The following PCDHGB1 variants were observed in gnomAD, a reference collection of about 807,000 sequenced individuals.
PCDHGB1 encodes protocadherin gamma subfamily B, 1.
PCDHGB1 carries 34 observed loss-of-function variants against 56.6 expected under a neutral mutation model. That is an observed-to-expected ratio of 0.60 (90% confidence interval 0.46 to 0.80). PCDHGB1 has a LOEUF of 0.80. Among genes scored for constraint, PCDHGB1 ranks in the 30% least tolerant of loss-of-function variants. The pLI is 0.00. For synonymous variants in PCDHGB1, 561 were observed against 505.9 expected, an observed-to-expected ratio of 1.11 and a Z score of -1.46; for missense variants, 1,278 against 1,204.6, an observed-to-expected ratio of 1.06 and a Z score of -0.90.
At position 141,398,826 on chromosome 5, in the gene PCDHGB1, C is replaced by T. The variant is rs755219133; in HGVS notation, c.2409+46157C>T. On this transcript the variant is annotated intron_variant, in intron 1 of 3. Coordinates refer to ENST00000523390, the MANE Select transcript of PCDHGB1 (RefSeq NM_018922.3). ...CCACTGAGCTCCGGATCCAGGTAACCGACGCCAATGATAATCCCCCGGTAT... is the reference window on the plus strand; with the variant it reads ...CCACTGAGCTCCGGATCCAGGTAACTGACGCCAATGATAATCCCCCGGTAT... 81 of 1,613,942 alleles carry T rather than the reference C, an allele frequency of 5.0e-5. 1 individual carries two copies. In the South Asian group the frequency reaches 7.7e-4, roughly 15 times the overall value.
chr5:141,421,359 C>A (rs2096566292), intron 1 of PCDHGB1: 6 of 1,614,012 alleles, frequency 3.7e-6, no homozygotes, highest in Non-Finnish European at 5.1e-6. Context: ...AAAAGGGCTC[C>A]TTCGTGGGCA....
intron 1 of PCDHGB1, among the ~76,000 whole-genome samples, chr5:141,369,505 G>GA (rs1379316544): frequency 5.3e-5 from 8 of 150,772 alleles, no homozygotes; most frequent in African/African-American, 1.2e-4. Context: ...CACCTCTATA[G>GA]AAAAAAAAAG....
intron 1 of PCDHGB1, chr5:141,391,283 A>G (rs2092334879): frequency 6.6e-6 from 1 of 152,120 alleles, no homozygotes; most frequent in African/African-American, 2.4e-5. Context: ...CAAATTGCTG[A>G]AAGAAGGAAA....
At chr5:141,375,026 T>C in intron 1 of PCDHGB1, 2 of 1,614,030 alleles carry the variant, frequency 1.2e-6, no homozygotes, top group Non-Finnish European at 1.7e-6. Context: ...CTCGAGTTTT[T>C]ATGAGCTGGG....
chr5:141,379,418 GA>G (rs1208942827), intron 1 of PCDHGB1: 1 of 152,186 alleles, frequency 6.6e-6, no homozygotes, highest in African/African-American at 2.4e-5. Context: ...TTAGTCTCAT[GA>G]GTTAGATGGG....
intron 2 of PCDHGB1, among the ~76,000 whole-genome samples, chr5:141,501,166 C>T (rs1443045812): frequency 6.6e-6 from 1 of 152,154 alleles, no homozygotes; most frequent in African/African-American, 2.4e-5. Flanking sequence ...CATCCCCAGC[C>T]TCATTTACAT....
At chr5:141,375,842 C>G (rs547807235) in intron 1 of PCDHGB1, 4 of 1,614,122 alleles carry the variant, frequency 2.5e-6, no homozygotes, top group Non-Finnish European at 3.4e-6. Context: ...GCCCGGCTAC[C>G]TGGTGACCAA....
At chr5:141,401,058 T>A (rs967099811) in intron 1 of PCDHGB1, among the ~76,000 whole-genome samples, 1 of 152,236 alleles carries the variant, frequency 6.6e-6, no homozygotes, top group African/African-American at 2.4e-5. Flanking sequence ...AAATACTATA[T>A]GTTGGCTGGG....
chr5:141,427,224 A>G (rs1269896138), intron 1 of PCDHGB1: 1 of 456,768 alleles, frequency 2.2e-6, no homozygotes, highest in East Asian at 6.9e-5. Context: ...TAGCAGTTAT[A>G]CCATGAGAGT....
At chr5:141,405,955 CCTG>C (rs1293666113) in intron 1 of PCDHGB1, among the ~76,000 whole-genome samples, 4 of 152,056 alleles carry the variant, frequency 2.6e-5, no homozygotes, top group African/African-American at 9.7e-5. Context: ...TAATAATTAA[CCTG>C]CTGTCAACGT....
intron 1 of PCDHGB1, among the ~76,000 whole-genome samples, chr5:141,454,881 C>G (rs2098805859): frequency 7.4e-6 from 1 of 135,536 alleles, no homozygotes; most frequent in African/African-American, 2.8e-5. Flanking sequence ...GATCTTGGCT[C>G]ACTGCTAGCA....
At chr5:141,377,231 A>G (rs1773795281) in intron 1 of PCDHGB1, 2 of 152,072 alleles carry the variant, frequency 1.3e-5, no homozygotes, top group Admixed American at 1.3e-4. Flanking sequence ...GTTTTTTCCT[A>G]CTATGTGACA....
intron 1 of PCDHGB1, among the ~76,000 whole-genome samples, chr5:141,492,482 A>G (rs1339196127): frequency 6.6e-6 from 1 of 152,182 alleles, no homozygotes; most frequent in Non-Finnish European, 1.5e-5. Context: ...GCGGCCGCCC[A>G]GGACCAGGCG....
At chr5:141,375,761 C>A in intron 1 of PCDHGB1, 1 of 1,614,236 alleles carries the variant, frequency 6.2e-7, no homozygotes, top group Non-Finnish European at 8.5e-7. Flanking sequence ...TGACAATGCG[C>A]CCGAGATCCT....
rs886105437 is a variant in PCDHGB1, at chr5:141,350,546, A to T, written c.286A>T (p.Lys96Ter). 1.2e-6 allele frequency: 2 copies of T among 1,613,906 alleles called. No homozygotes were observed. Among genetic ancestry groups the T allele is most frequent in the Admixed American group, 1.7e-5 (1 of 60,014 alleles). Residue 96 changes from lysine to a stop codon, truncating the protein, a stop_gained, in exon 1 of 4, where the codon AAA (lysine) becomes TAA (stop). Transcript: ENST00000523390. LOFTEE classifies it high-confidence loss of function. ...AGATCGAGAGAAGATTTGCGGAAGG[A>T]AACTTGAGTGTGCACTAGAATTCGA... ...RIDREKICGRKLECALEFETV... is the reference protein window; with the variant it reads ...RIDREKICGR
intron 1 of PCDHGB1, chr5:141,415,853 GTAGT>G: frequency 2.5e-6 from 3 of 1,186,350 alleles, no homozygotes; most frequent in Non-Finnish European, 3.3e-6. Context: ...GCAGAACCTT[GTAGT>G]TTATAGTGTT....
chr5:141,397,375 T>C (rs2093516481), intron 1 of PCDHGB1, among the ~76,000 whole-genome samples: 1 of 152,174 alleles, frequency 6.6e-6, no homozygotes, highest in South Asian at 2.1e-4. Context: ...TGTTTGGGGA[T>C]TGGTATAAAA....
At chr5:141,414,288 C>T (rs368826232) in intron 1 of PCDHGB1, 40 of 1,613,502 alleles carry the variant, frequency 2.5e-5, no homozygotes, top group South Asian at 4.4e-5. Context: ...CAGTCGTAGC[C>T]CTTTTAAATG....
intron 3 of PCDHGB1, among the ~76,000 whole-genome samples, chr5:141,510,272 T>TA (rs546154379): frequency 0.17 from 22,022 of 130,294 alleles, 2,255 homozygotes; most frequent in African/African-American, 0.28. Flanking sequence ...GACTCCATCT[T>TA]AAAAAAAAAA....
Sources: gnomAD v4.1 joint callset for allele counts (sites outside exome capture counted in the v4.1 genomes callset) on GRCh38, gnomAD v4.1.1 for gene constraint, MANE v1.5 for transcripts, NCBI Gene and HGNC (gene_info 2026-07-23, HGNC 2026-07-21) for gene names.